Variants in RDH8 observed in about 807,000 individuals in gnomAD.
RDH8 encodes retinol dehydrogenase 8.
In RDH8, 14 loss-of-function variants were observed where a neutral mutation model predicts 22.3. That is an observed-to-expected ratio of 0.63 (90% confidence interval 0.42 to 0.98). The LOEUF is 0.98. RDH8 is among the 50% of genes least tolerant of loss of function. The probability of loss-of-function intolerance (pLI) is 0.00; values close to 1 mark genes in which losing one functional copy is unlikely to be tolerated. For synonymous variants in RDH8, 175 were observed against 171.7 expected, an observed-to-expected ratio of 1.02 and a Z score of -0.15; for missense variants, 389 against 409.8, an observed-to-expected ratio of 0.95 and a Z score of 0.44.
chr19:10,021,396 G>A lies in RDH8; in HGVS notation c.678G>A (p.Lys226=). 1 of 1,614,088 alleles carries A rather than the reference G, an allele frequency of 6.2e-7. No individual in the cohort carries two copies. Among genetic ancestry groups the A allele is most frequent in the Non-Finnish European group, 8.5e-7 (1 of 1,180,020 alleles). ...ACCTCTATCTCCCAGCCTCCAGGAA[G>A]CTGTTTTGCTCCGTGGGACAGAACC... The part of the protein sequence containing the change: ...FRDLYLPASR[K]LFCSVGQNPQ... Residue 226 remains lysine (K), a synonymous_variant, in exon 5 of 6, where the codon AAG becomes AAA. Coordinates refer to ENST00000591589, the MANE Select transcript of RDH8 (RefSeq NM_015725.4).
chr19:10,016,373 T>C (rs1334495271), intron 1 of RDH8, among the ~76,000 whole-genome samples: 1 of 150,300 alleles, frequency 6.7e-6, no homozygotes, highest in Non-Finnish European at 1.5e-5. Flanking sequence ...GCCAGGATGG[T>C]CTCGATCTCC....
At chr19:10,020,209 G>A (rs73007157) in intron 3 of RDH8, among the ~76,000 whole-genome samples, 1 of 152,158 alleles carries the variant, frequency 6.6e-6, no homozygotes, top group Non-Finnish European at 1.5e-5. Context: ...AGCTGAAGTG[G>A]GAGGATCGCT....
At position 10,019,397 on chromosome 19, in the gene RDH8, C is replaced by T. The variant is rs116250660; in HGVS notation, c.442+487C>T. On this transcript the variant is annotated intron_variant, in intron 3 of 5. Transcript: ENST00000591589. ...AAAAGTGGCCAGACATGGTGACTCA[C>T]GTCTATAATCCCAGCACTTTGCGTG... Among the ~76,000 whole-genome samples the T allele has an allele frequency of 4.7e-3, 709 of 151,920 alleles. 6 individuals are homozygous for T. Among genetic ancestry groups the T allele is most frequent in the African/African-American group, 0.016 (674 of 41,388 alleles).
Position 10,021,317 on chromosome 19 carries a change from T to G in RDH8, c.599T>G (p.Val200Gly). The change falls in exon 5 of 6, where the codon GTT becomes GGT. Residue 200 changes from valine to glycine, a missense_variant. Physicochemically the swap from Val to Gly is moderately radical, Grantham distance 109. Coordinates refer to ENST00000591589, the MANE Select transcript of RDH8 (RefSeq NM_015725.4). ...TEFEGKLLAQ[V>G]SMAEFPGTDP... ...TTTGAGGGGAAGCTTCTGGCGCAGGTTTCTATGGCTGAGTTCCCAGGCACT... is the reference window on the plus strand; with the variant it reads ...TTTGAGGGGAAGCTTCTGGCGCAGGGTTCTATGGCTGAGTTCCCAGGCACT... 6.2e-7 allele frequency: 1 copy of G among 1,613,918 alleles called. No individual in the cohort carries two copies. Among genetic ancestry groups the G allele is most frequent in the Non-Finnish European group, 8.5e-7 (1 of 1,179,954 alleles).
At chr19:10,017,954 AT>A (rs759358657) in intron 2 of RDH8, among the ~76,000 whole-genome samples, 1 of 151,268 alleles carries the variant, frequency 6.6e-6, no homozygotes, top group African/African-American at 2.4e-5. Context: ...CCAAAAATCA[AT>A]TTTTTTTGAG....
At chr19:10,016,069 A>ATAT (rs2087612378) in intron 1 of RDH8, among the ~76,000 whole-genome samples, 1 of 151,742 alleles carries the variant, frequency 6.6e-6, no homozygotes, top group Non-Finnish European at 1.5e-5. Context: ...TTATGTTTAT[A>ATAT]TATTTTATTG....
In RDH8 at chr19:10,021,440, T is replaced by A. The variant is rs768994785; in HGVS notation, c.720+2T>A. The A allele has an allele frequency of 1.5e-5, 25 of 1,613,942 alleles. No individual in the cohort carries two copies. Among genetic ancestry groups the A allele is most frequent in the Non-Finnish European group, 1.9e-5 (22 of 1,180,020 alleles). ...CAGAACCCACAGGACGTGGTTCAGGTGAGTGAAGGGCCCAGAGCCCCAAGA... is the reference window on the plus strand; with the variant it reads ...CAGAACCCACAGGACGTGGTTCAGGAGAGTGAAGGGCCCAGAGCCCCAAGA... On this transcript the variant is annotated splice_donor_variant, in intron 5 of 5. Coordinates refer to ENST00000591589, the MANE Select transcript of RDH8 (RefSeq NM_015725.4). LOFTEE classifies it high-confidence loss of function.
chr19:10,020,626 C>T, intron 3 of RDH8, 83 bp from the exon 4 acceptor site: 1 of 811,436 alleles, frequency 1.2e-6, no homozygotes, highest in Non-Finnish European at 2.1e-6. Context: ...TTTGCTCTGT[C>T]TCCCAAAGAC....
At chr19:10,014,246 G>A (rs538455454) in intron 1 of RDH8, among the ~76,000 whole-genome samples, 2 of 152,330 alleles carry the variant, frequency 1.3e-5, no homozygotes, top group East Asian at 1.9e-4. Context: ...ACAAAGAGGC[G>A]ACTGGGGGTG....
intron 1 of RDH8, among the ~76,000 whole-genome samples, chr19:10,016,135 A>T (rs945458774): frequency 7.4e-5 from 7 of 94,812 alleles, no homozygotes; most frequent in African/African-American, 3.6e-4. Flanking sequence ...TTATTTATTT[A>T]TTTATTTATT....
intron 1 of RDH8, among the ~76,000 whole-genome samples, chr19:10,015,505 T>C (rs1165745125): frequency 6.6e-6 from 1 of 152,032 alleles, no homozygotes; most frequent in Non-Finnish European, 1.5e-5. Flanking sequence ...TGGCAGTGCC[T>C]ATAATCCCAG....
At position 10,013,524 on chromosome 19, in the gene RDH8, G is replaced by T; in HGVS notation, c.27G>T (p.Leu9Phe). MAAAPRTV[L>F]ISGCSSGIGL... ...TGGCCGCTGCACCCCGGACTGTGTT[G>T]ATCTCCGGCTGCTCATCAGGAATTG... Residue 9 changes from leucine to phenylalanine, a missense_variant, in exon 1 of 6, where the codon TTG becomes TTT. By Grantham distance (22) the Leu-to-Phe change is conservative. Transcript: ENST00000591589. 6.2e-7 allele frequency: 1 copy of T among 1,613,778 alleles called. No individual in the cohort carries two copies.
chr19:10,019,331 C>T (rs1237743059), intron 3 of RDH8, among the ~76,000 whole-genome samples: 1 of 151,800 alleles, frequency 6.6e-6, no homozygotes, highest in Non-Finnish European at 1.5e-5. Context: ...ATAAATTAGC[C>T]TGGAGAATTG....
rs779926974 is a variant in RDH8, at chr19:10,020,801, T to G, written c.535T>G (p.Phe179Val). 1 of 1,606,036 alleles carries G rather than the reference T, an allele frequency of 6.2e-7. No homozygotes were observed. The highest frequency in any genetic ancestry group is 1.7e-5 in the Admixed American group (1 of 59,460). ...LAIQLLQFNI[F>V]ISLVEPGPVV... ...TATCCAGCTGCTGCAGTTCAACATC[T>G]TGTGAGGCGGGCACGTGGGCAGAGG... Residue 179 changes from phenylalanine (F) to valine (V), a missense_variant and splice_region_variant, in exon 4 of 6, where the codon TTC becomes GTC. Physicochemically the swap from Phe to Val is conservative, Grantham distance 50 (BLOSUM62 -1). Transcript: ENST00000591589.
chr19:10,021,677 T>C lies in RDH8; in HGVS notation c.864T>C (p.Cys288=). The change falls in exon 6 of 6, where the codon TGT becomes TGC. Residue 288 remains cysteine (C), a synonymous_variant. Transcript: ENST00000591589. ...CGACCCACCGCCTCCTCTTCCGCTG[T>C]CCACGCCTCCTCAACCTTGGCCTTC... ...VRTTHRLLFR[C]PRLLNLGLQC... is the part of the protein sequence containing the mutation. The C allele has an allele frequency of 2.5e-6, 4 of 1,614,120 alleles. No individual in the cohort carries two copies. The highest frequency in any genetic ancestry group is 3.4e-6 in the Non-Finnish European group (4 of 1,180,004).
At chr19:10,018,624 A>C in intron 2 of RDH8, 107 bp from the exon 3 acceptor site, 1 of 826,158 alleles carries the variant, frequency 1.2e-6, no homozygotes. Flanking sequence ...GATACCCTGG[A>C]CTGGCCTTGG....
chr19:10,017,268 ACC>A, intron 2 of RDH8, 53 bp downstream of exon 2: 1 of 1,465,150 alleles, frequency 6.8e-7, no homozygotes, highest in Non-Finnish European at 9.1e-7. Flanking sequence ...CTGAGTATAG[ACC>A]CTCAATATGG....
chr19:10,013,663 C>G, intron 1 of RDH8, 63 bp downstream of exon 1: 1 of 1,559,856 alleles, frequency 6.4e-7, no homozygotes, highest in Non-Finnish European at 8.8e-7. Context: ...AGCACTGTCT[C>G]CCCTACCCAT....
rs1272332162 is a variant in RDH8, at chr19:10,021,449, G to A, written c.720+11G>A. 4.3e-6 allele frequency: 7 copies of A among 1,614,070 alleles called. No homozygotes were observed. Among genetic ancestry groups the A allele is most frequent in the Non-Finnish European group, 5.1e-6 (6 of 1,179,980 alleles). On this transcript the variant is annotated intron_variant, in intron 5 of 5. Transcript: ENST00000591589. ...CAGGACGTGGTTCAGGTGAGTGAAG[G>A]GCCCAGAGCCCCAAGACGTGGCTCA...
Sources: gnomAD v4.1 joint callset for allele counts (sites outside exome capture counted in the v4.1 genomes callset) on GRCh38, gnomAD v4.1.1 for gene constraint, MANE v1.5 for transcripts, NCBI Gene and HGNC (gene_info 2026-07-23, HGNC 2026-07-21) for gene names.